Variants in NEMP2 observed in about 807,000 individuals in gnomAD.
NEMP2 encodes nuclear envelope integral membrane protein 2.
In NEMP2, 53 loss-of-function variants were observed where a neutral mutation model predicts 54.2. The observed-to-expected ratio is 0.98, with a 90% CI of 0.78 to 1.23. NEMP2 has a LOEUF of 1.23. NEMP2 is among the 50% of genes most tolerant of loss of function. The pLI is 0.00. For missense variants in NEMP2, 455 were observed against 511.3 expected, an observed-to-expected ratio of 0.89 and a Z score of 1.06; for synonymous variants, 197 against 190.3, an observed-to-expected ratio of 1.04 and a Z score of -0.29.
chr2:190,510,448 T>C lies in NEMP2; in HGVS notation c.1043A>G (p.Asn348Ser), dbSNP rs1259307577. The change falls in exon 8 of 9, where the codon AAC (asparagine) becomes AGC (serine). Residue 348 changes from asparagine (N) to serine (S), a missense_variant. Coordinates refer to ENST00000409150, the MANE Select transcript of NEMP2 (RefSeq NM_001142645.2). This position sits in a 1 kb window ranked among gnomAD's most constrained non-coding sequence, Gnocchi z 5.7. ...EYREQADAET[N>S]SALEELRRAC... ...CCGGCGTAGCTCCTCCAGAGCACTG[T>C]TCGTTTCAGCATCAGCTTGCTCCCT... 1.9e-6 allele frequency: 3 copies of C among 1,551,772 alleles called. No homozygotes were observed. The highest frequency in any genetic ancestry group is 2.4e-5 in the South Asian group (2 of 84,056).
chr2:190,528,431 C>A lies in NEMP2; in HGVS notation c.98-3053G>T, dbSNP rs2125343339. On this transcript the variant is annotated intron_variant, in intron 1 of 8. Transcript: ENST00000409150. The surrounding 1 kb of genome is among the most constrained non-coding windows in gnomAD (Gnocchi z 4.3). ...CATGGCTAGAGTTAATAACTTTATA[C>A]TGGGAGTCCTCAAACAAAAGTGATT... Among the ~76,000 whole-genome samples, 2 of 152,272 alleles carry A rather than the reference C, an allele frequency of 1.3e-5. No individual in the cohort carries two copies.
chr2:190,456,284 T>C, the NEMP2 span, among the ~76,000 whole-genome samples: 1 of 152,090 alleles, frequency 6.6e-6, no homozygotes, highest in Non-Finnish European at 1.5e-5. The surrounding 1 kb of genome is among the most constrained non-coding windows in gnomAD (Gnocchi z 5.4). Context: ...GACTTAAATT[T>C]CACTTCAGAC....
the NEMP2 span, among the ~76,000 whole-genome samples, chr2:190,431,376 C>T: frequency 8.4e-4 from 128 of 152,312 alleles, no homozygotes; most frequent in African/African-American, 3.0e-3. The surrounding 1 kb of genome is among the most constrained non-coding windows in gnomAD (Gnocchi z 4.4). Context: ...GAGGTTGTAG[C>T]GAGCCGAGAT....
chr2:190,642,719 A>G, the NEMP2 span, among the ~76,000 whole-genome samples: 270 of 152,248 alleles, frequency 1.8e-3, 1 homozygote, highest in African/African-American at 6.0e-3. This position sits in a 1 kb window ranked among gnomAD's most constrained non-coding sequence, Gnocchi z 4.1. Flanking sequence ...CACCACACAG[A>G]GTGGAAAATT....
chr2:190,568,627 A>G, the NEMP2 span, among the ~76,000 whole-genome samples: 1 of 152,200 alleles, frequency 6.6e-6, no homozygotes, highest in South Asian at 2.1e-4. This position sits in a 1 kb window ranked among gnomAD's most constrained non-coding sequence, Gnocchi z 4.7. Context: ...GTTCGAGACC[A>G]GCCTGACCAA....
At chr2:190,502,980 C>A (rs1164962473), downstream of NEMP2, among the ~76,000 whole-genome samples, 2 of 152,200 alleles carry the variant, frequency 1.3e-5, no homozygotes, top group African/African-American at 4.8e-5. The surrounding 1 kb of genome is among the most constrained non-coding windows in gnomAD (Gnocchi z 4.4). Flanking sequence ...TAGCACCTTA[C>A]CCCACCCCAG....
chr2:190,617,127 A>G, the NEMP2 span: 2 of 148,264 alleles, frequency 1.3e-5, no homozygotes, highest in East Asian at 1.9e-4. This position sits in a 1 kb window ranked among gnomAD's most constrained non-coding sequence, Gnocchi z 5.0. Flanking sequence ...CTCTGTCTCA[A>G]AAAAAAAAAA....
the NEMP2 span, among the ~76,000 whole-genome samples, chr2:190,637,411 C>T: frequency 1.3e-5 from 2 of 152,204 alleles, no homozygotes; most frequent in South Asian, 4.1e-4. This position sits in a 1 kb window ranked among gnomAD's most constrained non-coding sequence, Gnocchi z 4.5. Flanking sequence ...AGATAAAGTC[C>T]ACACTGCTTA....
chr2:190,507,161 C>T lies in NEMP2; in HGVS notation c.*2028G>A, dbSNP rs1458504013. ...ATGCTTCTAATTGTTTAGCTTCTCA[C>T]AGTAGTCACAAAGCAGAAACTGACA... On this transcript the variant is annotated 3_prime_UTR_variant, in exon 9 of 9. Transcript: ENST00000409150. This position sits in a 1 kb window ranked among gnomAD's most constrained non-coding sequence, Gnocchi z 4.4. 6.6e-6 allele frequency: 1 copy of T among 152,188 alleles called. No homozygotes were observed. The highest frequency in any genetic ancestry group is 1.5e-5 in the Non-Finnish European group (1 of 68,040). 9.4% of individuals were successfully genotyped at this position (152,188 alleles called of 1,614,324 possible).
chr2:190,456,963 T>C, the NEMP2 span, among the ~76,000 whole-genome samples: 1 of 152,142 alleles, frequency 6.6e-6, no homozygotes, highest in Non-Finnish European at 1.5e-5. This position sits in a 1 kb window ranked among gnomAD's most constrained non-coding sequence, Gnocchi z 5.4. Context: ...CTCGTCAAAG[T>C]TTAAAATGTC....
At chr2:190,431,487 G>A in the NEMP2 span, among the ~76,000 whole-genome samples, 34 of 152,324 alleles carry the variant, frequency 2.2e-4, no homozygotes, top group Admixed American at 1.5e-3. This position sits in a 1 kb window ranked among gnomAD's most constrained non-coding sequence, Gnocchi z 4.4. Context: ...CGGATCACTC[G>A]CGATTAGGAG....
At position 190,527,541 on chromosome 2, in the gene NEMP2, T is replaced by G. The variant is rs982365401; in HGVS notation, c.98-2163A>C. ...TCTTCACATTATGATAAAATGCATA[T>G]GTTTCTAAATATATCAAGAAATTTG... On this transcript the variant is annotated intron_variant, in intron 1 of 8. Coordinates refer to ENST00000409150, the MANE Select transcript of NEMP2 (RefSeq NM_001142645.2). This position sits in a 1 kb window ranked among gnomAD's most constrained non-coding sequence, Gnocchi z 4.0. Among the ~76,000 whole-genome samples the G allele has an allele frequency of 6.6e-6, 1 of 152,186 alleles. No homozygotes were observed. The highest frequency in any genetic ancestry group is 2.4e-5 in the African/African-American group (1 of 41,450).
At chr2:190,565,411 CT>C in the NEMP2 span, among the ~76,000 whole-genome samples, 1 of 152,166 alleles carries the variant, frequency 6.6e-6, no homozygotes, top group Non-Finnish European at 1.5e-5. Context: ...AGTATAAAAT[CT>C]GTTTAATGGG....
At chr2:190,455,943 T>TTTTTTTG in the NEMP2 span, among the ~76,000 whole-genome samples, 1 of 129,792 alleles carries the variant, frequency 7.7e-6, no homozygotes, top group Non-Finnish European at 1.7e-5. Context: ...GCTTTTTTTT[T>TTTTTTTG]TTTTTTTTTT....
At chr2:190,483,467 A>T in the NEMP2 span, among the ~76,000 whole-genome samples, 1 of 152,158 alleles carries the variant, frequency 6.6e-6, no homozygotes, top group South Asian at 2.1e-4. Flanking sequence ...TACTGTACCT[A>T]TTGGAGGAAT....
chr2:190,542,845 C>G, the NEMP2 span, among the ~76,000 whole-genome samples: 1 of 152,166 alleles, frequency 6.6e-6, no homozygotes, highest in Non-Finnish European at 1.5e-5. This position sits in a 1 kb window ranked among gnomAD's most constrained non-coding sequence, Gnocchi z 4.6. Context: ...AATTCTTGGT[C>G]AGAAAGTTCA....
In NEMP2 at chr2:190,529,652, T is replaced by G. The variant is rs1385689300; in HGVS notation, c.98-4274A>C. On this transcript the variant is annotated intron_variant, in intron 1 of 8. Coordinates refer to ENST00000409150, the MANE Select transcript of NEMP2 (RefSeq NM_001142645.2). This position sits in a 1 kb window ranked among gnomAD's most constrained non-coding sequence, Gnocchi z 4.7. ...TGTTTATCACTGTAACCCCCAGAAC[T>G]TAAATATTTATCTTTTGTGTGTAGC... 6.6e-6 allele frequency among the ~76,000 whole-genome samples: 1 copy of G among 152,210 alleles called. No individual in the cohort carries two copies. The highest frequency in any genetic ancestry group is 1.5e-5 in the Non-Finnish European group (1 of 68,038).
At chr2:190,480,298 C>A in the NEMP2 span, among the ~76,000 whole-genome samples, 2 of 152,178 alleles carry the variant, frequency 1.3e-5, no homozygotes, top group African/African-American at 4.8e-5. Context: ...TTTTTCAGTT[C>A]TCCAAAGAGA....
chr2:190,456,231 A>G, the NEMP2 span, among the ~76,000 whole-genome samples: 1 of 152,110 alleles, frequency 6.6e-6, no homozygotes, highest in African/African-American at 2.4e-5. The surrounding 1 kb of genome is among the most constrained non-coding windows in gnomAD (Gnocchi z 5.4). Context: ...GTGAGCCACC[A>G]TGCCTGGCCT....
Sources: gnomAD v4.1 joint callset for allele counts (sites outside exome capture counted in the v4.1 genomes callset) on GRCh38, gnomAD v4.1.1 for gene constraint, Gnocchi (gnomAD v3.1) non-coding constraint, MANE v1.5 for transcripts, NCBI Gene and HGNC (gene_info 2026-07-23, HGNC 2026-07-21) for gene names.